The following SPTLC3 variants were observed in gnomAD, a reference collection of about 807,000 sequenced individuals.
SPTLC3 encodes the protein serine palmitoyltransferase long chain base subunit 3.
Under a neutral mutation model 59.3 loss-of-function variants are expected in SPTLC3, and 36 were observed. The ratio of observed to expected loss-of-function variants is 0.61; its 90% CI spans 0.47 to 0.80. The LOEUF is 0.80. Among genes scored for constraint, SPTLC3 ranks in the 30% least tolerant of loss-of-function variants. SPTLC3 has a pLI of 0.00. For missense variants in SPTLC3, 625 were observed against 685.1 expected (o/e 0.91, Z 0.98); for synonymous variants, 257 against 240.8 (o/e 1.07, Z -0.62).
At chr20:13,039,804 C>T (rs1307573675) in intron 1 of SPTLC3, among the ~76,000 whole-genome samples, 1 of 151,832 alleles carries the variant, frequency 6.6e-6, no homozygotes, top group East Asian at 1.9e-4. Flanking sequence ...CTACGGCTTG[C>T]CATACATATG....
At chr20:13,143,643 C>T (rs889253264) in intron 9 of SPTLC3, among the ~76,000 whole-genome samples, 2 of 152,168 alleles carry the variant, frequency 1.3e-5, no homozygotes, top group African/African-American at 2.4e-5. Flanking sequence ...TTCCCCATAC[C>T]CTCCTCCCTG....
chr20:13,034,932 G>T (rs1986668938), intron 1 of SPTLC3, among the ~76,000 whole-genome samples: 1 of 152,032 alleles, frequency 6.6e-6, no homozygotes, highest in African/African-American at 2.4e-5. Context: ...AAAGGTGATG[G>T]GTATCTATCC....
At chr20:13,142,138 A>G (rs1347603730) in intron 9 of SPTLC3, among the ~76,000 whole-genome samples, 5 of 152,268 alleles carry the variant, frequency 3.3e-5, no homozygotes, top group African/African-American at 9.6e-5. Context: ...ATGAAAGCTC[A>G]GTAAATTCTG....
At chr20:13,016,763 T>C (rs1189392671) in intron 1 of SPTLC3, among the ~76,000 whole-genome samples, 1 of 152,192 alleles carries the variant, frequency 6.6e-6, no homozygotes, top group Non-Finnish European at 1.5e-5. Flanking sequence ...CAATAGCTAA[T>C]GCATGTTGGC....
chr20:13,081,287 A>G (rs1988834362), intron 4 of SPTLC3, among the ~76,000 whole-genome samples: 1 of 152,204 alleles, frequency 6.6e-6, no homozygotes. Flanking sequence ...ACATTGCTGA[A>G]CTATAGGTTA....
At chr20:13,129,042 A>G (rs1312333018) in intron 9 of SPTLC3, among the ~76,000 whole-genome samples, 1 of 151,528 alleles carries the variant, frequency 6.6e-6, no homozygotes, top group Non-Finnish European at 1.5e-5. Flanking sequence ...ATGCCTGGCT[A>G]TTTTTGTATT....
At chr20:13,050,521 A>G (rs1030770622) in intron 2 of SPTLC3, 1 of 152,228 alleles carries the variant, frequency 6.6e-6, no homozygotes, top group African/African-American at 2.4e-5. Context: ...TGGGGGAATA[A>G]TTGAGGAAAA....
chr20:13,157,284 A>AG (rs2038794933), intron 10 of SPTLC3, among the ~76,000 whole-genome samples: 1 of 151,344 alleles, frequency 6.6e-6, no homozygotes, highest in Admixed American at 6.6e-5. Flanking sequence ...AAAAAAAAAA[A>AG]AAATTAGCTG....
chr20:13,013,045 G>T (rs1323674962), intron 1 of SPTLC3, among the ~76,000 whole-genome samples: 1 of 152,202 alleles, frequency 6.6e-6, no homozygotes, highest in Non-Finnish European at 1.5e-5. Context: ...GGCACAATAG[G>T]TCATGTGACT....
At position 13,060,544 on chromosome 20, in the gene SPTLC3, A is replaced by G. The variant is rs112488894; in HGVS notation, c.303+11414A>G. On this transcript the variant is annotated intron_variant, in intron 2 of 11. Transcript: ENST00000399002. ...TGAAGTATAGGCTTTTTGTATAACC[A>G]TCACCTGAATAATGTGCATTGTACC... is the stretch of plus-strand genomic sequence containing the variant. Among the ~76,000 whole-genome samples, 73 of 152,218 alleles carry G rather than the reference A, an allele frequency of 4.8e-4. 1 individual carries two copies. Among genetic ancestry groups the G allele is most frequent in the South Asian group, 3.1e-3 (15 of 4,826 alleles).
At chr20:13,069,823 C>T (rs1000558816) in intron 2 of SPTLC3, among the ~76,000 whole-genome samples, 1 of 152,182 alleles carries the variant, frequency 6.6e-6, no homozygotes, top group African/African-American at 2.4e-5. Context: ...CCAAAACCAA[C>T]TGATACTTTA....
chr20:13,010,150 G>A (rs1985162697), intron 1 of SPTLC3, among the ~76,000 whole-genome samples: 1 of 151,970 alleles, frequency 6.6e-6, no homozygotes. Context: ...GGGTCTGTGA[G>A]GTCCTTATGT....
In SPTLC3 at chr20:13,009,241, T is replaced by C; in HGVS notation, c.-27T>C. 5 of 1,601,956 alleles carry C rather than the reference T, an allele frequency of 3.1e-6. No individual in the cohort carries two copies. In the South Asian group the frequency reaches 5.5e-5, roughly 18 times the overall value. On this transcript the variant is annotated 5_prime_UTR_variant, in exon 1 of 12. Coordinates refer to ENST00000399002, the MANE Select transcript of SPTLC3 (RefSeq NM_018327.4). The stretch of plus-strand genomic sequence containing the variant: ...CTGCAGAGACCTCTGAAGGAAAACC[T>C]GTCCCGGGCTCTGTCACTTCACACC...
Position 13,075,070 on chromosome 20 carries a change from G to C in SPTLC3, c.607+573G>C, listed in dbSNP as rs148914424. ...CAGGAAGAAAGAATAATGCAAGCTT[G>C]TTCTTATAGAGTGCTTTTCAATTCT... On this transcript the variant is annotated intron_variant, in intron 4 of 11. Transcript: ENST00000399002. 2.5e-3 allele frequency among the ~76,000 whole-genome samples: 382 copies of C among 151,420 alleles called. 3 individuals are homozygous for C. The highest frequency in any genetic ancestry group is 0.019 in the East Asian group (98 of 5,118).
At chr20:13,029,367 T>A (rs182402254) in intron 1 of SPTLC3, among the ~76,000 whole-genome samples, 2 of 152,350 alleles carry the variant, frequency 1.3e-5, no homozygotes, top group Admixed American at 6.5e-5. Flanking sequence ...TCCAGTCAGA[T>A]AACTCATGCT....
At chr20:13,063,381 T>C (rs1201062837) in intron 2 of SPTLC3, among the ~76,000 whole-genome samples, 1 of 152,130 alleles carries the variant, frequency 6.6e-6, no homozygotes, top group Non-Finnish European at 1.5e-5. Flanking sequence ...TAACTTTATT[T>C]GCATTATATT....
At chr20:13,072,109 A>G in intron 2 of SPTLC3, 147 bp from the exon 3 acceptor site, 1 of 795,438 alleles carries the variant, frequency 1.3e-6, no homozygotes, top group Non-Finnish European at 1.9e-6. Flanking sequence ...TCACAGATTT[A>G]CTTCCCTCAC....
intron 1 of SPTLC3, among the ~76,000 whole-genome samples, chr20:13,026,451 G>A (rs1351695306): frequency 1.3e-5 from 2 of 152,106 alleles, no homozygotes; most frequent in Non-Finnish European, 2.9e-5. Context: ...TGTCATTGTG[G>A]TTTTGATTTG....
chr20:13,128,942 T>C (rs2038057462), intron 9 of SPTLC3, among the ~76,000 whole-genome samples: 1 of 150,298 alleles, frequency 6.7e-6, no homozygotes, highest in Non-Finnish European at 1.5e-5. Flanking sequence ...AATGGTGCGA[T>C]CTCAGCTCAC....
Sources: allele counts gnomAD v4.1 joint callset (sites outside exome capture counted in the v4.1 genomes callset), GRCh38; gene constraint gnomAD v4.1.1; transcripts MANE v1.5; gene names NCBI Gene and HGNC (gene_info 2026-07-23, HGNC 2026-07-21).